ZFP64: variants seen among roughly 807,000 people sequenced by gnomAD.
ZFP64 encodes the protein zinc finger protein 64.
In ZFP64, 14 loss-of-function variants were observed where a neutral mutation model predicts 51.6. The ratio of observed to expected loss-of-function variants is 0.27; its 90% CI spans 0.18 to 0.42. ZFP64 has a LOEUF of 0.42. ZFP64 is among the 10% of genes least tolerant of loss of function. The pLI, the probability that ZFP64 is intolerant of heterozygous loss-of-function variation, is 1.00. For synonymous variants in ZFP64, 375 were observed against 361.4 expected (o/e 1.04, Z -0.43); for missense variants, 754 against 906.8 (o/e 0.83, Z 2.16).
intron 5 of ZFP64, among the ~76,000 whole-genome samples, chr20:52,109,780 CAAAAAAAAAAA>C (rs779914417): frequency 1.8e-3 from 84 of 46,138 alleles, no homozygotes; most frequent in African/African-American, 5.9e-3. Flanking sequence ...AATTCCACCT[CAAAAAAAAAAA>C]AAAAAAAAAA....
chr20:52,142,795 A>G lies in ZFP64; in HGVS notation c.763+17328T>C, dbSNP rs1272663570. Among the ~76,000 whole-genome samples the G allele has an allele frequency of 4.0e-5, 5 of 126,252 alleles. 1 individual carries two copies. The highest frequency in any genetic ancestry group is 8.5e-5 in the Non-Finnish European group (5 of 58,866). 82.8% of individuals were successfully genotyped at this position (126,252 alleles called of 152,430 possible). A position where few individuals can be genotyped will look rare whatever the true frequency, so the allele number is the denominator to read the frequency against. On this transcript the variant is annotated intron_variant, in intron 5 of 8. Coordinates refer to the ZFP64 transcript ENST00000361387. ...GCGGAGGTTGTAGTGAGTTGAGATC[A>G]TGCCATTGCACTCCACCCTGGGCGA...
At chr20:52,128,271 T>C (rs936458284) in intron 5 of ZFP64, among the ~76,000 whole-genome samples, 20 of 152,204 alleles carry the variant, frequency 1.3e-4, no homozygotes, top group African/African-American at 4.8e-4. Flanking sequence ...AGACTCTCTC[T>C]ATAAATAATA....
At chr20:52,122,962 A>G (rs1979265609) in intron 5 of ZFP64, among the ~76,000 whole-genome samples, 2 of 151,164 alleles carry the variant, frequency 1.3e-5, no homozygotes, top group African/African-American at 4.9e-5. Flanking sequence ...AACTTAGTTG[A>G]TAAAGTAGCA....
At chr20:52,118,336 T>A (rs1246390456) in intron 5 of ZFP64, among the ~76,000 whole-genome samples, 3 of 151,346 alleles carry the variant, frequency 2.0e-5, no homozygotes, top group Non-Finnish European at 4.4e-5. Flanking sequence ...CAGCCTCTAA[T>A]TCACCTGCTG....
intron 2 of ZFP64, among the ~76,000 whole-genome samples, chr20:52,186,381 A>T (rs1345963528): frequency 6.6e-6 from 1 of 152,064 alleles, no homozygotes; most frequent in Non-Finnish European, 1.5e-5. Context: ...CCTGATCAGC[A>T]GCACAAGGGG....
chr20:52,091,654 G>T (rs1021990949), intron 7 of ZFP64, among the ~76,000 whole-genome samples: 4 of 151,904 alleles, frequency 2.6e-5, no homozygotes, highest in Non-Finnish European at 5.9e-5. Flanking sequence ...GTCAAAATTA[G>T]ATTACAAACT....
chr20:52,176,080 C>A, intron 2 of ZFP64: 2 of 443,552 alleles, frequency 4.5e-6, no homozygotes, highest in Non-Finnish European at 6.0e-6. Context: ...CTGACAGCAA[C>A]TGGGCCAATC....
chr20:52,164,339 A>C (rs985739969), intron 4 of ZFP64, among the ~76,000 whole-genome samples: 1 of 152,198 alleles, frequency 6.6e-6, no homozygotes, highest in Non-Finnish European at 1.5e-5. Flanking sequence ...TCCTCTCTTT[A>C]CTAATCATTA....
At chr20:52,123,374 G>A (rs561296046) in intron 5 of ZFP64, among the ~76,000 whole-genome samples, 11 of 152,258 alleles carry the variant, frequency 7.2e-5, no homozygotes, top group South Asian at 2.1e-4. Flanking sequence ...TGCATGCTAC[G>A]GAGAAATCTT....
At chr20:52,139,732 GA>G (rs1980160600) in intron 5 of ZFP64, among the ~76,000 whole-genome samples, 1 of 151,942 alleles carries the variant, frequency 6.6e-6, no homozygotes, top group Admixed American at 6.6e-5. Context: ...CACATTTTCA[GA>G]CCAAAACCCA....
At chr20:52,176,202 G>A (rs1007741363) in intron 2 of ZFP64, among the ~76,000 whole-genome samples, 3 of 151,980 alleles carry the variant, frequency 2.0e-5, no homozygotes, top group Admixed American at 6.6e-5. Context: ...CCAAGAGTCC[G>A]AGTCCAACCT....
At chr20:52,184,097 C>T (rs954519831) in intron 2 of ZFP64, among the ~76,000 whole-genome samples, 3 of 152,124 alleles carry the variant, frequency 2.0e-5, no homozygotes, top group South Asian at 2.1e-4. Flanking sequence ...TGATCCGCCT[C>T]GGTCTCCCAA....
At chr20:52,155,621 G>A (rs990050466) in intron 5 of ZFP64, among the ~76,000 whole-genome samples, 29 of 152,022 alleles carry the variant, frequency 1.9e-4, no homozygotes, top group Middle Eastern at 3.4e-3. Context: ...TGGCATGAAA[G>A]CAAAGGTTTT....
At chr20:52,129,676 A>T (rs1979628104) in intron 5 of ZFP64, among the ~76,000 whole-genome samples, 1 of 151,938 alleles carries the variant, frequency 6.6e-6, no homozygotes. Flanking sequence ...AGCCTCTTGG[A>T]CCTAAATCTG....
chr20:52,093,895 G>C (rs2078956446), intron 7 of ZFP64, among the ~76,000 whole-genome samples: 1 of 152,172 alleles, frequency 6.6e-6, no homozygotes, highest in South Asian at 2.1e-4. Flanking sequence ...GTACCAGTTT[G>C]GGTAGCAAGG....
intron 7 of ZFP64, among the ~76,000 whole-genome samples, chr20:52,093,743 G>A (rs1283561671): frequency 6.6e-6 from 1 of 152,030 alleles, no homozygotes; most frequent in Non-Finnish European, 1.5e-5. Flanking sequence ...GGCTTCTCTG[G>A]GACTACTGTG....
intron 2 of ZFP64, among the ~76,000 whole-genome samples, chr20:52,173,964 T>C (rs915100722): frequency 2.6e-5 from 4 of 152,148 alleles, no homozygotes; most frequent in African/African-American, 9.7e-5. Context: ...ATCCTTACTT[T>C]TTATACAAAG....
At position 52,085,691 on chromosome 20, in the gene ZFP64, AG is replaced by A. The variant is rs2078856651; in HGVS notation, c.1229-426del. On this transcript the variant is annotated intron_variant, in intron 8 of 8. Coordinates refer to the ZFP64 transcript ENST00000361387. The surrounding 1 kb of genome is among the most constrained non-coding windows in gnomAD (Gnocchi z 4.3). ...CTTCAAATCAAGCTAAGACCTGTGA[AG>A]ACGCTTACTATAGTGTTTAATCTAT... 6.6e-6 allele frequency among the ~76,000 whole-genome samples: 1 copy of A among 152,242 alleles called. No individual in the cohort carries two copies. The highest frequency in any genetic ancestry group is 2.4e-5 in the African/African-American group (1 of 41,464).
At chr20:52,181,765 G>A (rs1393717644) in intron 2 of ZFP64, among the ~76,000 whole-genome samples, 3 of 152,190 alleles carry the variant, frequency 2.0e-5, no homozygotes, top group African/African-American at 2.4e-5. Flanking sequence ...TTCAGGAGGT[G>A]GAGCCCGGGC....
Sources: gnomAD v4.1 joint callset for allele counts (sites outside exome capture counted in the v4.1 genomes callset) on GRCh38, gnomAD v4.1.1 for gene constraint, Gnocchi (gnomAD v3.1) non-coding constraint, MANE v1.5 for transcripts, NCBI Gene and HGNC (gene_info 2026-07-23, HGNC 2026-07-21) for gene names.